Variants in KLF12 observed in about 807,000 individuals in gnomAD.
The protein encoded by KLF12 is KLF transcription factor 12.
Under a neutral mutation model 37.8 loss-of-function variants are expected in KLF12, and 9 were observed. The ratio of observed to expected loss-of-function variants is 0.24; its 90% CI spans 0.14 to 0.42. The LOEUF is 0.42. Among genes scored for constraint, KLF12 ranks in the 10% least tolerant of loss-of-function variants. The probability of loss-of-function intolerance (pLI) is 1.00; values close to 1 mark genes in which losing one functional copy is unlikely to be tolerated. For missense variants in KLF12, 411 were observed against 516.0 expected (o/e 0.80, Z 1.97); for synonymous variants, 208 against 202.1 (o/e 1.03, Z -0.25).
intron 6 of KLF12, among the ~76,000 whole-genome samples, chr13:73,733,192 C>T (rs149988699): frequency 3.9e-5 from 6 of 152,204 alleles, no homozygotes; most frequent in Middle Eastern, 3.4e-3. Flanking sequence ...TTTAAGTGTA[C>T]AATTCAGTGG....
chr13:73,846,690 C>A (rs531332785), intron 3 of KLF12, among the ~76,000 whole-genome samples: 1 of 152,234 alleles, frequency 6.6e-6, no homozygotes, highest in East Asian at 1.9e-4. Context: ...GATTCTAACC[C>A]TTACTCAACA....
At chr13:73,796,996 G>T (rs1882010375) in intron 5 of KLF12, among the ~76,000 whole-genome samples, 1 of 152,164 alleles carries the variant, frequency 6.6e-6, no homozygotes, top group Admixed American at 6.5e-5. Flanking sequence ...TCAGAAAGTG[G>T]CTGTCTAGGG....
chr13:73,780,343 A>T (rs1265600742), intron 5 of KLF12, among the ~76,000 whole-genome samples: 4 of 152,088 alleles, frequency 2.6e-5, no homozygotes, highest in Non-Finnish European at 4.4e-5. Flanking sequence ...CTGTCACCTG[A>T]GCAGCGTACA....
chr13:73,914,277 CTG>C (rs1320565401), intron 3 of KLF12, among the ~76,000 whole-genome samples: 7 of 152,234 alleles, frequency 4.6e-5, no homozygotes, highest in Non-Finnish European at 7.3e-5. Flanking sequence ...GCTCACTCTG[CTG>C]TGAGTCTGGG....
At chr13:74,270,594 T>A in the KLF12 span, among the ~76,000 whole-genome samples, 24 of 152,312 alleles carry the variant, frequency 1.6e-4, no homozygotes, top group African/African-American at 5.5e-4. Flanking sequence ...TCAATATACA[T>A]CTCTTCATTT....
intron 6 of KLF12, among the ~76,000 whole-genome samples, chr13:73,749,291 G>A (rs566659179): frequency 4.6e-5 from 7 of 152,210 alleles, no homozygotes; most frequent in East Asian, 1.9e-4. Flanking sequence ...TGAAAATGTC[G>A]TATGCATTAA....
intron 1 of KLF12, among the ~76,000 whole-genome samples, chr13:74,042,135 C>G (rs922189892): frequency 6.6e-6 from 1 of 151,910 alleles, no homozygotes; most frequent in Admixed American, 6.6e-5. Context: ...AAAACCCCAT[C>G]TCCACTAAAA....
intron 1 of KLF12, among the ~76,000 whole-genome samples, chr13:74,083,491 GAGACAC>G (rs1379602931): frequency 4.1e-4 from 48 of 117,608 alleles, no homozygotes; most frequent in African/African-American, 1.6e-3. Context: ...TGGGCGATAG[GAGACAC>G]ACACACACAC....
the KLF12 span, among the ~76,000 whole-genome samples, chr13:74,217,514 G>C: frequency 6.6e-6 from 1 of 152,076 alleles, no homozygotes; most frequent in Non-Finnish European, 1.5e-5. Flanking sequence ...AGATCACGAG[G>C]TCAGAAGTTC....
At chr13:73,977,634 GGA>G (rs1343236340) in intron 2 of KLF12, among the ~76,000 whole-genome samples, 4 of 152,148 alleles carry the variant, frequency 2.6e-5, no homozygotes, top group African/African-American at 4.8e-5. Flanking sequence ...ATGTTTATGT[GGA>G]GAGAGGCTAA....
the KLF12 span, among the ~76,000 whole-genome samples, chr13:74,209,075 T>TA: frequency 4.0e-5 from 6 of 151,790 alleles, no homozygotes; most frequent in Non-Finnish European, 8.8e-5. Flanking sequence ...ACAGAAATAT[T>TA]AAAAAAAAGT....
intron 1 of KLF12, among the ~76,000 whole-genome samples, chr13:74,110,343 A>G (rs560664980): frequency 5.5e-4 from 84 of 152,286 alleles, no homozygotes; most frequent in Admixed American, 1.1e-3. Context: ...TCATTCTTAG[A>G]ACCTCTGGTA....
At chr13:73,925,357 C>T (rs1043388328) in intron 3 of KLF12, among the ~76,000 whole-genome samples, 3 of 152,126 alleles carry the variant, frequency 2.0e-5, no homozygotes, top group African/African-American at 7.2e-5. Context: ...TCCTAGGGTC[C>T]TTAAGAATGA....
the KLF12 span, among the ~76,000 whole-genome samples, chr13:74,294,977 T>A: frequency 6.6e-6 from 1 of 152,208 alleles, no homozygotes; most frequent in Non-Finnish European, 1.5e-5. Flanking sequence ...CTCCCCTTGC[T>A]TAAAATAGAG....
intron 4 of KLF12, among the ~76,000 whole-genome samples, chr13:73,840,471 T>C (rs145954263): frequency 6.6e-6 from 1 of 152,070 alleles, no homozygotes; most frequent in Non-Finnish European, 1.5e-5. Context: ...AACAGGCATA[T>C]CAAATTTAAC....
At chr13:73,890,105 G>A (rs1405656776) in intron 3 of KLF12, among the ~76,000 whole-genome samples, 2 of 152,012 alleles carry the variant, frequency 1.3e-5, no homozygotes, top group African/African-American at 4.8e-5. Flanking sequence ...CATAGTAGGA[G>A]CATATCTGGT....
chr13:73,888,817 G>A (rs561245494), intron 3 of KLF12, among the ~76,000 whole-genome samples: 9 of 152,172 alleles, frequency 5.9e-5, no homozygotes, highest in African/African-American at 9.7e-5. Flanking sequence ...TCTATCTGCC[G>A]TGCTTCATGC....
chr13:74,228,504 T>C, the KLF12 span, among the ~76,000 whole-genome samples: 14 of 152,132 alleles, frequency 9.2e-5, no homozygotes, highest in Admixed American at 5.9e-4. Flanking sequence ...TGCATCACTT[T>C]GTGAGTAAGG....
At chr13:74,161,905 T>C in the KLF12 span, among the ~76,000 whole-genome samples, 2 of 152,228 alleles carry the variant, frequency 1.3e-5, no homozygotes, top group Non-Finnish European at 2.9e-5. Flanking sequence ...AAATCAGTTT[T>C]TTCATTCTCT....
Sources: allele counts gnomAD v4.1 joint callset (sites outside exome capture counted in the v4.1 genomes callset), GRCh38; gene constraint gnomAD v4.1.1; transcripts MANE v1.5; gene names NCBI Gene and HGNC (gene_info 2026-07-23, HGNC 2026-07-21).